Variants in TJP3 observed in about 807,000 individuals in gnomAD.
The protein encoded by TJP3 is tight junction protein ZO-3.
In TJP3, 85 loss-of-function variants were observed where a neutral mutation model predicts 104.2. That is an observed-to-expected ratio of 0.82 (90% CI 0.68 to 0.98). The LOEUF is 0.98. Among genes scored for constraint, TJP3 ranks in the 50% least tolerant of loss-of-function variants. The probability of loss-of-function intolerance (pLI) is 0.00; values close to 1 mark genes in which losing one functional copy is unlikely to be tolerated. For missense variants in TJP3, 1,367 were observed against 1,322.8 expected, an observed-to-expected ratio of 1.03 and a Z score of -0.52; for synonymous variants, 550 against 550.6, an observed-to-expected ratio of 1.00 and a Z score of 0.02.
chr19:3,713,680 T>A (rs1276316352), intron 1 of TJP3, among the ~76,000 whole-genome samples: 1 of 152,200 alleles, frequency 6.6e-6, no homozygotes, highest in Non-Finnish European at 1.5e-5. Flanking sequence ...TCTGTGTATT[T>A]ACTTTTCTGT....
intron 3 of TJP3, among the ~76,000 whole-genome samples, chr19:3,729,634 T>C (rs559134913): frequency 2.0e-5 from 3 of 151,742 alleles, no homozygotes; most frequent in South Asian, 4.2e-4. Context: ...ATACAAAAAT[T>C]AGACGGGTGT....
intron 1 of TJP3, among the ~76,000 whole-genome samples, chr19:3,723,296 C>T (rs1341051815): frequency 6.6e-6 from 1 of 152,088 alleles, no homozygotes; most frequent in East Asian, 1.9e-4. Flanking sequence ...GAGGCTGGGG[C>T]TGTGAAGGAT....
Position 3,747,222 on chromosome 19 carries a change from A to G in TJP3, c.2322+346A>G, listed in dbSNP as rs376412435. 3.3e-5 allele frequency among the ~76,000 whole-genome samples: 5 copies of G among 150,932 alleles called. No individual in the cohort carries two copies. In the East Asian group the frequency reaches 6.0e-4, roughly 18 times the overall value. Reference sequence around the variant, plus strand: ...ACTACAGGCGAGCGCTACCAGGCCCAGCTAATTTTTGTATTTTTAGCAGAG... The same window carrying G: ...ACTACAGGCGAGCGCTACCAGGCCCGGCTAATTTTTGTATTTTTAGCAGAG... On this transcript the variant is annotated intron_variant, in intron 18 of 20. Coordinates refer to ENST00000541714, the MANE Select transcript of TJP3 (RefSeq NM_001267560.2).
At chr19:3,731,527 G>T (rs1443338299) in intron 5 of TJP3, among the ~76,000 whole-genome samples, 1 of 152,152 alleles carries the variant, frequency 6.6e-6, no homozygotes, top group Non-Finnish European at 1.5e-5. Flanking sequence ...CAGCTACCTG[G>T]GAGGCTGAGG....
At position 3,746,151 on chromosome 19, in the gene TJP3, T is replaced by C. The variant is rs926018546; in HGVS notation, c.2010+70T>C. 1.4e-6 allele frequency: 2 copies of C among 1,424,802 alleles called. No homozygotes were observed. Among genetic ancestry groups the C allele is most frequent in the Non-Finnish European group, 1.9e-6 (2 of 1,030,312 alleles). The allele number at this position is 1,424,802 out of a possible 1,614,324, so 88.3% of individuals were successfully genotyped here. ...ACCGAGGCCTGGGCATCCAACTGAA[T>C]GTCCTGACCTGTTCTCAGCCCACAC... On this transcript the variant is annotated intron_variant, in intron 16 of 20. Coordinates refer to ENST00000541714, the MANE Select transcript of TJP3 (RefSeq NM_001267560.2). The surrounding 1 kb of genome is among the most constrained non-coding windows in gnomAD (Gnocchi z 4.1).
At chr19:3,712,231 G>C (rs1390465153) in intron 1 of TJP3, among the ~76,000 whole-genome samples, 1 of 152,170 alleles carries the variant, frequency 6.6e-6, no homozygotes, top group Non-Finnish European at 1.5e-5. Context: ...CAGGAGAATT[G>C]CTTGAACCTG....
rs1336010562 is a variant in TJP3 at position 3,738,039 on chromosome 19, GTGTCTGTATATTGC to G, written c.1285-511_1285-498del. 3.2e-4 allele frequency among the ~76,000 whole-genome samples: 48 copies of G among 151,528 alleles called. 1 individual carries two copies. The highest frequency in any genetic ancestry group is 1.0e-3 in the African/African-American group (41 of 40,982). On this transcript the variant is annotated intron_variant, in intron 11 of 20. Transcript: ENST00000541714. Reference sequence around the variant, plus strand: ...GTCATGACCCTGAGAGCAGGTGGCTGTGTCTGTATATTGCTGTCCATGTCATGACCCGGAGAGCA... The same window carrying G: ...GTCATGACCCTGAGAGCAGGTGGCTGTGTCCATGTCATGACCCGGAGAGCA...
At chr19:3,712,368 AT>A (rs2036441670) in intron 1 of TJP3, among the ~76,000 whole-genome samples, 1 of 152,064 alleles carries the variant, frequency 6.6e-6, no homozygotes, top group African/African-American at 2.4e-5. Context: ...GATGGTTTCC[AT>A]GGGGCAGGGG....
At chr19:3,718,044 T>C (rs941795403) in intron 1 of TJP3, among the ~76,000 whole-genome samples, 2 of 151,198 alleles carry the variant, frequency 1.3e-5, no homozygotes, top group Non-Finnish European at 2.9e-5. Context: ...TGAAACCCCA[T>C]CTCTACTAAA....
At chr19:3,718,394 T>C (rs1354520534) in intron 1 of TJP3, among the ~76,000 whole-genome samples, 1 of 150,826 alleles carries the variant, frequency 6.6e-6, no homozygotes, top group Non-Finnish European at 1.5e-5. Flanking sequence ...AGCCTCTTAT[T>C]TTAAAGACGC....
chr19:3,746,887 G>A lies in TJP3; in HGVS notation c.2322+11G>A, dbSNP rs10426923. ...ACGGCGGAAGATCAGGTACTGCCGC[G>A]GTGTGGGTGGGTCGGGCAGGGAGGC... is the stretch of plus-strand genomic sequence containing the variant. On this transcript the variant is annotated intron_variant, in intron 18 of 20. Transcript: ENST00000541714. The surrounding 1 kb of genome is among the most constrained non-coding windows in gnomAD (Gnocchi z 4.1). 2.2e-3 allele frequency: 3,573 copies of A among 1,588,896 alleles called. 50 individuals are homozygous for A. In the African/African-American group the frequency reaches 0.035, roughly 15 times the overall value.
chr19:3,728,526 T>A, intron 2 of TJP3, 46 bp downstream of exon 2: 2 of 1,599,946 alleles, frequency 1.3e-6, no homozygotes, highest in Non-Finnish European at 1.7e-6. Context: ...GTATGGCGGC[T>A]TAGGCCCAGC....
chr19:3,722,073 C>T (rs2036547382), intron 1 of TJP3, among the ~76,000 whole-genome samples: 1 of 143,740 alleles, frequency 7.0e-6, no homozygotes, highest in East Asian at 2.3e-4. Flanking sequence ...GGAGGTTGCA[C>T]TTCGAGATGC....
intron 1 of TJP3, chr19:3,721,909 A>G: frequency 8.3e-7 from 1 of 1,209,306 alleles, no homozygotes; most frequent in Non-Finnish European, 1.0e-6. Flanking sequence ...GTGAGATTCC[A>G]GGCGAGTAAC....
At chr19:3,718,074 C>T (rs1196096963) in intron 1 of TJP3, among the ~76,000 whole-genome samples, 2 of 150,998 alleles carry the variant, frequency 1.3e-5, no homozygotes, top group African/African-American at 4.9e-5. Context: ...ATCAGCCGGG[C>T]ATGTGCCTGT....
chr19:3,748,198 G>C, intron 19 of TJP3, 117 bp downstream of exon 19: 1 of 1,328,644 alleles, frequency 7.5e-7, no homozygotes, highest in Non-Finnish European at 1.0e-6. Context: ...CGGCTTCCCT[G>C]GTCAGACTGG....
chr19:3,738,460 C>A, intron 11 of TJP3, 95 bp from the exon 12 acceptor site: 1 of 1,101,644 alleles, frequency 9.1e-7, no homozygotes, highest in Non-Finnish European at 1.3e-6. Flanking sequence ...CTGGAAGCAG[C>A]TGGGGCTGAG....
chr19:3,726,363 C>A (rs891761070), intron 1 of TJP3, among the ~76,000 whole-genome samples: 22 of 152,292 alleles, frequency 1.4e-4, no homozygotes, highest in African/African-American at 5.1e-4. Context: ...TTTGGGAGGC[C>A]AAGGCGGGCG....
chr19:3,733,874 C>A lies in TJP3; in HGVS notation c.839C>A (p.Pro280Gln). ...RDRGQFLVNIPPAVSDSDSSP... is the reference protein window; with the variant it reads ...RDRGQFLVNIQPAVSDSDSSP... Reference sequence around the variant, plus strand: ...CGTGGGCAGTTCCTGGTGAACATTCCGCCTGCTGTCAGTGACAGCGACAGC... The same window carrying A: ...CGTGGGCAGTTCCTGGTGAACATTCAGCCTGCTGTCAGTGACAGCGACAGC... The change falls in exon 7 of 21, where the codon CCG (proline) becomes CAG (glutamine). Residue 280 changes from proline to glutamine, a missense_variant. By Grantham distance (76) the Pro-to-Gln change is moderately conservative. Transcript: ENST00000541714. The A allele has an allele frequency of 1.2e-6, 2 of 1,614,140 alleles. No homozygotes were observed. The highest frequency in any genetic ancestry group is 1.7e-6 in the Non-Finnish European group (2 of 1,180,014).
Sources: gnomAD v4.1 joint callset for allele counts (sites outside exome capture counted in the v4.1 genomes callset) on GRCh38, gnomAD v4.1.1 for gene constraint, Gnocchi (gnomAD v3.1) non-coding constraint, MANE v1.5 for transcripts, NCBI Gene and HGNC (gene_info 2026-07-23, HGNC 2026-07-21) for gene names.